Variants in DOCK1 observed in about 807,000 individuals in gnomAD.
The protein encoded by DOCK1 is dedicator of cytokinesis protein 1.
In DOCK1, 138 loss-of-function variants were observed where a neutral mutation model predicts 262.7. That is an observed-to-expected ratio of 0.53 (90% CI 0.46 to 0.61). DOCK1 has a LOEUF of 0.61. DOCK1 is among the 20% of genes least tolerant of loss of function. The probability of loss-of-function intolerance (pLI) is 0.00; values close to 1 mark genes in which losing one functional copy is unlikely to be tolerated. For missense variants in DOCK1, 1,908 were observed against 2,370.7 expected (o/e 0.80, Z 4.05); for synonymous variants, 866 against 867.4 (o/e 1.00, Z 0.03).
At chr10:126,996,701 C>A in intron 6 of DOCK1, 47 bp from the exon 7 acceptor site, 2 of 1,510,980 alleles carry the variant, frequency 1.3e-6, no homozygotes, top group South Asian at 1.4e-5. Flanking sequence ...GAAAATTCAG[C>A]CTCCTTGGTC....
At chr10:127,138,161 A>G (rs926258074) in intron 27 of DOCK1, 1 of 723,184 alleles carries the variant, frequency 1.4e-6, no homozygotes, top group Non-Finnish European at 2.2e-6. Flanking sequence ...TCGATATACT[A>G]TGTTTTAGCT....
intron 51 of DOCK1, among the ~76,000 whole-genome samples, chr10:127,450,643 C>T (rs985491730): frequency 2.0e-5 from 3 of 152,168 alleles, no homozygotes; most frequent in African/African-American, 7.2e-5. Flanking sequence ...TGCCCTCAGT[C>T]ATAACACTCC....
At chr10:127,010,932 A>G (rs919153947) in intron 11 of DOCK1, among the ~76,000 whole-genome samples, 1 of 152,016 alleles carries the variant, frequency 6.6e-6, no homozygotes, top group Non-Finnish European at 1.5e-5. Context: ...GTGAAAAGTC[A>G]AAAACAAAAA....
Position 127,418,367 on chromosome 10 carries a change from G to T in DOCK1, c.4518G>T (p.Val1506=). Residue 1506 remains valine, a splice_region_variant and synonymous_variant, in exon 45 of 52, where the codon GTG becomes GTT. Transcript: ENST00000623213. ...CGGGCTCTCCTCTCTCTTTGCAGGT[G>T]GAAATCAGCCCCCTGGAGAATGCCA... ...RWFEVKSVFM[V]EISPLENAIE... is the part of the protein sequence containing the mutation. 1.2e-6 allele frequency: 2 copies of T among 1,608,410 alleles called. No homozygotes were observed. The highest frequency in any genetic ancestry group is 1.7e-6 in the Non-Finnish European group (2 of 1,176,638).
At chr10:126,918,578 G>A (rs769890574) in intron 1 of DOCK1, among the ~76,000 whole-genome samples, 4 of 152,172 alleles carry the variant, frequency 2.6e-5, no homozygotes, top group South Asian at 2.1e-4. Flanking sequence ...AGTAGATCCC[G>A]GTAGCAGGAT....
chr10:127,345,725 C>A (rs946212208), intron 31 of DOCK1, among the ~76,000 whole-genome samples: 7 of 152,214 alleles, frequency 4.6e-5, no homozygotes, highest in Non-Finnish European at 1.0e-4. Context: ...GTCTGTCGCT[C>A]GTCCTGGCTT....
intron 29 of DOCK1, among the ~76,000 whole-genome samples, chr10:127,261,411 G>A (rs1470400467): frequency 1.4e-5 from 2 of 141,832 alleles, no homozygotes; most frequent in Non-Finnish European, 3.0e-5. Context: ...GCATGTGGGT[G>A]TGTGTGTACC....
intron 27 of DOCK1, among the ~76,000 whole-genome samples, chr10:127,182,301 T>C (rs972219925): frequency 6.6e-6 from 1 of 152,104 alleles, no homozygotes; most frequent in South Asian, 2.1e-4. Flanking sequence ...AAAACACTCT[T>C]AACGAACAAA....
At chr10:127,226,315 C>A (rs75591539) in intron 27 of DOCK1, among the ~76,000 whole-genome samples, 4 of 152,024 alleles carry the variant, frequency 2.6e-5, no homozygotes, top group East Asian at 3.9e-4. Context: ...TATTTCTTGG[C>A]GGTCAGTGAA....
chr10:127,142,560 T>C (rs1051844157), intron 27 of DOCK1, among the ~76,000 whole-genome samples: 22 of 152,082 alleles, frequency 1.4e-4, no homozygotes, highest in African/African-American at 4.3e-4. Context: ...CTGTGCGGGG[T>C]GTTCTGTCCT....
intron 47 of DOCK1, among the ~76,000 whole-genome samples, chr10:127,431,780 T>C (rs1591035100): frequency 6.6e-6 from 1 of 152,202 alleles, no homozygotes; most frequent in Admixed American, 6.5e-5. Flanking sequence ...TGGCAGCGCG[T>C]GCTAGTTTCC....
At chr10:127,321,713 C>T (rs927972395) in intron 29 of DOCK1, among the ~76,000 whole-genome samples, 1 of 137,944 alleles carries the variant, frequency 7.2e-6, no homozygotes, top group African/African-American at 3.1e-5. Flanking sequence ...TCAGCCAAAC[C>T]CCTCCCCCCG....
In DOCK1 at chr10:127,095,873, A is replaced by G. The variant is rs141766088; in HGVS notation, c.2446-10358A>G. On this transcript the variant is annotated intron_variant, in intron 23 of 51. Transcript: ENST00000623213. ...CTGGATTCACTGAAGAATCTCAGGAAGTTTGTACTTTTTTCAGTTTGGGCT... is the reference window on the plus strand; with the variant it reads ...CTGGATTCACTGAAGAATCTCAGGAGGTTTGTACTTTTTTCAGTTTGGGCT... Among the ~76,000 whole-genome samples the G allele has an allele frequency of 3.0e-3, 458 of 152,230 alleles. 2 individuals carry two copies. Among genetic ancestry groups the G allele is most frequent in the Non-Finnish European group, 5.4e-3 (370 of 68,034 alleles).
chr10:126,932,684 G>A lies in DOCK1; in HGVS notation c.46+27121G>A, dbSNP rs1178637014. ...TTAGGAGGCCCTTTGTGGTAGGTAA[G>A]GGGTGGACCGTCGCTGAAGTACCAC... On this transcript the variant is annotated intron_variant, in intron 1 of 51. Coordinates refer to ENST00000623213, the MANE Select transcript of DOCK1 (RefSeq NM_001290223.2). Among the ~76,000 whole-genome samples the A allele has an allele frequency of 3.9e-5, 6 of 152,280 alleles. No individual in the cohort carries two copies. In the South Asian group the frequency reaches 1.0e-3, roughly 26 times the overall value.
intron 1 of DOCK1, among the ~76,000 whole-genome samples, chr10:126,922,670 GT>G (rs558400849): frequency 7.6e-4 from 115 of 152,126 alleles, no homozygotes; most frequent in Non-Finnish European, 1.4e-3. Context: ...TGACTTTGGG[GT>G]TTCCTTATGC....
intron 32 of DOCK1, among the ~76,000 whole-genome samples, chr10:127,361,327 G>C (rs1215460892): frequency 6.6e-6 from 1 of 151,976 alleles, no homozygotes; most frequent in Non-Finnish European, 1.5e-5. Context: ...TGTTAGCCAG[G>C]ATGGTCTCGA....
At chr10:127,296,014 G>C (rs750932272) in intron 29 of DOCK1, among the ~76,000 whole-genome samples, 1 of 152,202 alleles carries the variant, frequency 6.6e-6, no homozygotes, top group Non-Finnish European at 1.5e-5. Flanking sequence ...ACAGCATGCT[G>C]TTGCTGTGTG....
At chr10:127,428,990 C>CGTGTGGATTGGGGTGCA (rs2069072473) in intron 47 of DOCK1, among the ~76,000 whole-genome samples, 1 of 121,858 alleles carries the variant, frequency 8.2e-6, no homozygotes, top group African/African-American at 3.3e-5. Flanking sequence ...ATTGGGGTGC[C>CGTGTGGATTGGGGTGCA]GTGTGGATTG....
intron 29 of DOCK1, among the ~76,000 whole-genome samples, chr10:127,291,352 CT>C (rs1269051518): frequency 1.3e-5 from 2 of 152,220 alleles, no homozygotes; most frequent in Non-Finnish European, 2.9e-5. Context: ...AATATGGCCA[CT>C]TGGCATTCTC....
Sources: gnomAD v4.1 joint callset for allele counts (sites outside exome capture counted in the v4.1 genomes callset) on GRCh38, gnomAD v4.1.1 for gene constraint, MANE v1.5 for transcripts, NCBI Gene and HGNC (gene_info 2026-07-23, HGNC 2026-07-21) for gene names.